TMC7: variants seen among roughly 807,000 people sequenced by gnomAD.
TMC7 encodes transmembrane channel-like protein 7.
Under a neutral mutation model 82.9 loss-of-function variants are expected in TMC7, and 54 were observed. The observed-to-expected ratio is 0.65, with a 90% CI of 0.52 to 0.82. The LOEUF is 0.82. Among genes scored for constraint, TMC7 ranks in the 40% least tolerant of loss-of-function variants. The pLI is 0.00. For synonymous variants in TMC7, 350 were observed against 337.9 expected (o/e 1.04, Z -0.39); for missense variants, 820 against 901.2 (o/e 0.91, Z 1.15).
Position 19,009,300 on chromosome 16 carries a change from T to C in TMC7, c.196T>C (p.Leu66=). ...VHSRDKQSGT[L]LKPTDSYSSQ... is the part of the protein sequence containing the mutation. ...TTCCCGGGACAAGCAAAGCGGAACTTTGCTAAAGCCAACCGACTCTTACAG... is the reference window on the plus strand; with the variant it reads ...TTCCCGGGACAAGCAAAGCGGAACTCTGCTAAAGCCAACCGACTCTTACAG... Residue 66 remains leucine (L), a synonymous_variant, in exon 2 of 16, where the codon TTG becomes CTG. Transcript: ENST00000304381. 6.2e-7 allele frequency: 1 copy of C among 1,614,142 alleles called. No homozygotes were observed. Among genetic ancestry groups the C allele is most frequent in the Middle Eastern group, 1.6e-4 (1 of 6,062 alleles).
At chr16:18,998,193 CACATT>C (rs1214328126) in intron 1 of TMC7, among the ~76,000 whole-genome samples, 1 of 152,172 alleles carries the variant, frequency 6.6e-6, no homozygotes, top group Non-Finnish European at 1.5e-5. Flanking sequence ...CTGTTCTAAG[CACATT>C]ACATATGATT....
chr16:19,005,854 G>A (rs760964712), intron 1 of TMC7, among the ~76,000 whole-genome samples: 6 of 152,154 alleles, frequency 3.9e-5, no homozygotes, highest in Non-Finnish European at 8.8e-5. Context: ...TCCTCAGGGT[G>A]TGCCAGGCAG....
chr16:18,984,035 G>A lies in TMC7; in HGVS notation c.-29G>A. The A allele has an allele frequency of 6.9e-7, 1 of 1,446,152 alleles. No individual in the cohort carries two copies. Among genetic ancestry groups the A allele is most frequent in the South Asian group, 1.4e-5 (1 of 72,748 alleles). The allele number at this position is 1,446,152 out of a possible 1,614,324, so 89.6% of individuals were successfully genotyped here. A position where few individuals can be genotyped will look rare whatever the true frequency, so the allele number is the denominator to read the frequency against. On this transcript the variant is annotated 5_prime_UTR_variant, in exon 1 of 16. Coordinates refer to ENST00000304381, the MANE Select transcript of TMC7 (RefSeq NM_024847.4). ...CGGCGGCGGCTGGAGAGGGTCCTCG[G>A]CAGCCTCTGAGGAGCGCGGGGCGCG...
intron 5 of TMC7, among the ~76,000 whole-genome samples, chr16:19,025,061 C>T (rs1175928256): frequency 6.6e-6 from 1 of 151,904 alleles, no homozygotes; most frequent in Non-Finnish European, 1.5e-5. Flanking sequence ...GCCACCGTGC[C>T]CAGTGGATTA....
chr16:18,999,579 G>A (rs1567502358), intron 1 of TMC7, among the ~76,000 whole-genome samples: 1 of 152,242 alleles, frequency 6.6e-6, no homozygotes, highest in Non-Finnish European at 1.5e-5. Context: ...CAGTGCTTGA[G>A]TGGTGATAGT....
At chr16:18,994,669 G>C (rs554392690) in intron 1 of TMC7, among the ~76,000 whole-genome samples, 2 of 152,152 alleles carry the variant, frequency 1.3e-5, no homozygotes, top group East Asian at 3.9e-4. Context: ...GAGGATAGGA[G>C]AGTATATGGG....
intron 6 of TMC7, among the ~76,000 whole-genome samples, chr16:19,034,331 G>T (rs111266882): frequency 0.064 from 9,809 of 152,226 alleles, 518 homozygotes; most frequent in African/African-American, 0.14. Flanking sequence ...AGGTGCGGTG[G>T]CTCATGCCTG....
At chr16:19,061,571 C>G (rs1230062893) in intron 15 of TMC7, among the ~76,000 whole-genome samples, 4 of 152,206 alleles carry the variant, frequency 2.6e-5, no homozygotes, top group Non-Finnish European at 5.9e-5. Context: ...AGGCATGAGC[C>G]ACCGTGTCCA....
At chr16:19,055,138 G>C (rs1961712400) in intron 13 of TMC7, among the ~76,000 whole-genome samples, 1 of 152,024 alleles carries the variant, frequency 6.6e-6, no homozygotes, top group Non-Finnish European at 1.5e-5. Flanking sequence ...AACTGGATTT[G>C]TTTTCTCTAT....
intron 1 of TMC7, among the ~76,000 whole-genome samples, chr16:18,985,540 A>G (rs1433885900): frequency 6.6e-6 from 1 of 152,164 alleles, no homozygotes; most frequent in Non-Finnish European, 1.5e-5. Context: ...AATCCATTAT[A>G]TTGAAGATGT....
chr16:18,997,940 G>A (rs1427852048), intron 1 of TMC7, among the ~76,000 whole-genome samples: 1 of 151,822 alleles, frequency 6.6e-6, no homozygotes, highest in Admixed American at 6.6e-5. Flanking sequence ...CACCATGTTA[G>A]CCAGGATGGT....
At chr16:19,040,879 A>G (rs1596779511) in intron 9 of TMC7, among the ~76,000 whole-genome samples, 1 of 146,102 alleles carries the variant, frequency 6.8e-6, no homozygotes, top group African/African-American at 2.5e-5. Flanking sequence ...TATTTTGAAA[A>G]TTTTCTTTGA....
intron 1 of TMC7, among the ~76,000 whole-genome samples, chr16:18,988,941 T>C (rs2038900990): frequency 6.6e-6 from 1 of 151,972 alleles, no homozygotes; most frequent in Non-Finnish European, 1.5e-5. Context: ...TCCCAGCTAC[T>C]TGGGAAGCTG....
Position 19,034,211 on chromosome 16 carries a change from T to G in TMC7, c.858-1465T>G, listed in dbSNP as rs1166670700. ...GGCAAGATAGCCAGGGTACCTGCTC[T>G]CAAGGAATTTAAAATTTAGTTAGAG... is the stretch of plus-strand genomic sequence containing the variant. On this transcript the variant is annotated intron_variant, in intron 6 of 15. Coordinates refer to ENST00000304381, the MANE Select transcript of TMC7 (RefSeq NM_024847.4). Among the ~76,000 whole-genome samples, 15 of 152,230 alleles carry G rather than the reference T, an allele frequency of 9.9e-5. No individual in the cohort carries two copies. In the South Asian group the frequency reaches 2.9e-3, roughly 29 times the overall value.
rs1962102971 is a variant in TMC7, at chr16:19,063,695, T to TGTGC, written c.*1855_*1856insCGTG. On this transcript the variant is annotated 3_prime_UTR_variant, in exon 16 of 16. Coordinates refer to ENST00000304381, the MANE Select transcript of TMC7 (RefSeq NM_024847.4). Reference sequence around the variant, plus strand: ...ATTTGTGTGTGTGTGTGTGTGTGTGTGTGATGAACACAACGAAAACGTACT... The same window carrying TGTGC: ...ATTTGTGTGTGTGTGTGTGTGTGTGTGTGCGTGATGAACACAACGAAAACGTACT... The TGTGC allele has an allele frequency of 6.6e-6, 1 of 152,032 alleles. No individual in the cohort carries two copies. The highest frequency in any genetic ancestry group is 2.1e-4 in the South Asian group (1 of 4,808). The allele number at this position is 152,032 out of a possible 1,614,324, so 9.4% of individuals were successfully genotyped here. A position where few individuals can be genotyped will look rare whatever the true frequency, so the allele number is the denominator to read the frequency against.
At position 19,062,463 on chromosome 16, in the gene TMC7, A is replaced by G. The variant is rs1398089847; in HGVS notation, c.*620A>G. ...ACCAACGTGGAGAAACTCCGTCTCC[A>G]CTAAAATACAAAATTAGCTGGGTGT... On this transcript the variant is annotated 3_prime_UTR_variant, in exon 16 of 16. Transcript: ENST00000304381. 1 of 152,266 alleles carries G rather than the reference A, an allele frequency of 6.6e-6. No individual in the cohort carries two copies. Among genetic ancestry groups the G allele is most frequent in the African/African-American group, 2.4e-5 (1 of 41,466 alleles). 9.4% of individuals were successfully genotyped at this position (152,266 alleles called of 1,614,324 possible).
chr16:19,038,458 G>C (rs370950526), intron 8 of TMC7, among the ~76,000 whole-genome samples: 6 of 152,098 alleles, frequency 3.9e-5, no homozygotes, highest in African/African-American at 1.2e-4. Context: ...ACCTCCCAAA[G>C]TGCTGGGATT....
At chr16:19,061,203 G>A (rs1961994989) in intron 15 of TMC7, among the ~76,000 whole-genome samples, 1 of 151,998 alleles carries the variant, frequency 6.6e-6, no homozygotes, top group African/African-American at 2.4e-5. Flanking sequence ...CGGGGTTTCG[G>A]GGTTTCACCT....
At chr16:19,059,913 G>T (rs1443056532) in intron 15 of TMC7, 2 of 434,302 alleles carry the variant, frequency 4.6e-6, no homozygotes, top group Non-Finnish European at 8.6e-6. Context: ...GGAGGTGGAG[G>T]TCGCAGTGAG....
Sources: allele counts gnomAD v4.1 joint callset (sites outside exome capture counted in the v4.1 genomes callset), GRCh38; gene constraint gnomAD v4.1.1; transcripts MANE v1.5; gene names NCBI Gene and HGNC (gene_info 2026-07-23, HGNC 2026-07-21).